The following GSG1L variants were observed in gnomAD, a reference collection of about 807,000 sequenced individuals.
GSG1L encodes GSG1 like.
Under a neutral mutation model 42.1 loss-of-function variants are expected in GSG1L, and 24 were observed. The ratio of observed to expected loss-of-function variants is 0.57; its 90% CI spans 0.41 to 0.80. GSG1L has a LOEUF of 0.80. Ranked by LOEUF, GSG1L falls within the 30% of genes least tolerant of loss-of-function variation. The probability of loss-of-function intolerance (pLI) is 0.00; values close to 1 mark genes in which losing one functional copy is unlikely to be tolerated. For missense variants in GSG1L, 445 were observed against 472.2 expected, an observed-to-expected ratio of 0.94 and a Z score of 0.53; for synonymous variants, 215 against 203.5, an observed-to-expected ratio of 1.06 and a Z score of -0.48.
chr16:27,857,383 A>T (rs1369866235), intron 3 of GSG1L, among the ~76,000 whole-genome samples: 1 of 150,330 alleles, frequency 6.7e-6, no homozygotes. Context: ...AGCCAAGATC[A>T]CACCACTGCA....
intron 1 of GSG1L, among the ~76,000 whole-genome samples, chr16:27,992,564 T>C (rs939378839): frequency 1.3e-5 from 2 of 152,076 alleles, no homozygotes; most frequent in Admixed American, 1.3e-4. Flanking sequence ...CCACCAGACA[T>C]ACCACTTCTG....
chr16:27,963,260 T>G (rs909171542), intron 1 of GSG1L, 57 bp from the exon 2 acceptor site: 1 of 1,484,030 alleles, frequency 6.7e-7, no homozygotes, highest in African/African-American at 1.4e-5. Flanking sequence ...GCTTCCGAGG[T>G]TTGCCTGCTC....
At chr16:27,857,944 T>C (rs1314196087) in intron 3 of GSG1L, among the ~76,000 whole-genome samples, 1 of 152,108 alleles carries the variant, frequency 6.6e-6, no homozygotes, top group African/African-American at 2.4e-5. Flanking sequence ...ACCTGCAGTG[T>C]CAGGCCCCAG....
At chr16:27,981,137 C>T (rs891823193) in intron 1 of GSG1L, among the ~76,000 whole-genome samples, 2 of 152,098 alleles carry the variant, frequency 1.3e-5, no homozygotes, top group Non-Finnish European at 2.9e-5. Flanking sequence ...AGACCCCACA[C>T]GTGGCAGGAG....
intron 6 of GSG1L, among the ~76,000 whole-genome samples, chr16:27,800,661 C>T (rs900584623): frequency 2.0e-5 from 3 of 152,152 alleles, no homozygotes; most frequent in South Asian, 2.1e-4. Flanking sequence ...CACAGTAGCC[C>T]CCCAGAATAA....
At chr16:28,002,485 A>G (rs1285247261) in intron 1 of GSG1L, among the ~76,000 whole-genome samples, 3 of 152,136 alleles carry the variant, frequency 2.0e-5, no homozygotes, top group African/African-American at 7.2e-5. Context: ...GCCAAGCATG[A>G]TGACATATGC....
chr16:27,804,029 G>A (rs1166457012), intron 6 of GSG1L, among the ~76,000 whole-genome samples: 1 of 71,816 alleles, frequency 1.4e-5, no homozygotes, highest in African/African-American at 6.1e-5. Context: ...TGAATAGATA[G>A]ATTAGATGGA....
At chr16:27,842,395 G>A (rs1027121741) in intron 4 of GSG1L, among the ~76,000 whole-genome samples, 4 of 152,126 alleles carry the variant, frequency 2.6e-5, no homozygotes, top group South Asian at 2.1e-4. Flanking sequence ...TCTACCCCTC[G>A]CAGCTGGAAG....
chr16:27,975,261 C>G (rs1435022525), intron 1 of GSG1L, among the ~76,000 whole-genome samples: 1 of 152,148 alleles, frequency 6.6e-6, no homozygotes, highest in African/African-American at 2.4e-5. Flanking sequence ...TCTTGATTCC[C>G]TGTAGGTGCC....
rs149565645 is a variant in GSG1L at position 28,018,794 on chromosome 16, G to A, written c.349+44282C>T. 3.6e-3 allele frequency among the ~76,000 whole-genome samples: 549 copies of A among 151,924 alleles called. 3 individuals carry two copies. Among genetic ancestry groups the A allele is most frequent in the African/African-American group, 0.012 (483 of 41,402 alleles). On this transcript the variant is annotated intron_variant, in intron 1 of 6. Transcript: ENST00000447459. The stretch of plus-strand genomic sequence containing the variant: ...TGGAAACCGGAGCCCATAACATGCC[G>A]CCCCCACATGAAGTGCTGAGACATG...
At chr16:27,971,852 T>C (rs1446100236) in intron 1 of GSG1L, among the ~76,000 whole-genome samples, 1 of 152,176 alleles carries the variant, frequency 6.6e-6, no homozygotes, top group Admixed American at 6.5e-5. Flanking sequence ...AGTTTTATCA[T>C]GAAAGGATAT....
chr16:27,887,723 T>TA (rs2084046086), intron 2 of GSG1L, among the ~76,000 whole-genome samples: 1 of 152,188 alleles, frequency 6.6e-6, no homozygotes, highest in Non-Finnish European at 1.5e-5. Flanking sequence ...AAACACCCAC[T>TA]ATCATTCCTA....
chr16:27,835,688 G>T (rs1203982691), intron 4 of GSG1L, among the ~76,000 whole-genome samples: 1 of 151,584 alleles, frequency 6.6e-6, no homozygotes, highest in Admixed American at 6.6e-5. Flanking sequence ...CTTTTTTAGG[G>T]GTTGCTCTGG....
At chr16:27,914,854 C>A (rs1328773714) in intron 2 of GSG1L, among the ~76,000 whole-genome samples, 1 of 152,090 alleles carries the variant, frequency 6.6e-6, no homozygotes, top group Non-Finnish European at 1.5e-5. Context: ...TGCTAAATAT[C>A]TTGCAGATTG....
chr16:27,921,900 A>G (rs546203221), intron 2 of GSG1L, among the ~76,000 whole-genome samples: 2 of 152,236 alleles, frequency 1.3e-5, no homozygotes, highest in Non-Finnish European at 2.9e-5. Context: ...CACTATTTCT[A>G]ATAACCTAAG....
At chr16:27,885,181 G>A (rs901110278) in intron 2 of GSG1L, among the ~76,000 whole-genome samples, 9 of 151,850 alleles carry the variant, frequency 5.9e-5, no homozygotes, top group Non-Finnish European at 1.0e-4. Flanking sequence ...AAAGGGTCTC[G>A]CTCTGTCACC....
chr16:28,025,711 A>G (rs559378996), intron 1 of GSG1L, among the ~76,000 whole-genome samples: 1 of 152,372 alleles, frequency 6.6e-6, no homozygotes, highest in South Asian at 2.1e-4. Context: ...CCTGTGAAAG[A>G]GCGGGGACCC....
chr16:28,059,015 G>A lies in GSG1L; in HGVS notation c.349+4061C>T, dbSNP rs958306070. On this transcript the variant is annotated intron_variant, in intron 1 of 6. Transcript: ENST00000447459. The surrounding 1 kb of genome is among the most constrained non-coding windows in gnomAD (Gnocchi z 4.4). ...GGGTGATGGCAGAGGCGGAGAGATG[G>A]CTGCAGAAGTCCATGGGAGACACGG... Among the ~76,000 whole-genome samples the A allele has an allele frequency of 6.6e-6, 1 of 152,206 alleles. No homozygotes were observed. Among genetic ancestry groups the A allele is most frequent in the African/African-American group, 2.4e-5 (1 of 41,456 alleles).
chr16:28,038,461 G>A (rs1359688403), intron 1 of GSG1L, among the ~76,000 whole-genome samples: 1 of 152,140 alleles, frequency 6.6e-6, no homozygotes, highest in Non-Finnish European at 1.5e-5. Flanking sequence ...CCCTCTGGAG[G>A]GTCTCCCCTG....
Sources: gnomAD v4.1 joint callset for allele counts (sites outside exome capture counted in the v4.1 genomes callset) on GRCh38, gnomAD v4.1.1 for gene constraint, Gnocchi (gnomAD v3.1) non-coding constraint, MANE v1.5 for transcripts, NCBI Gene and HGNC (gene_info 2026-07-23, HGNC 2026-07-21) for gene names.